Variants in FOXN3 observed in about 807,000 individuals in gnomAD.
FOXN3 encodes forkhead box protein N3.
Under a neutral mutation model 38.4 loss-of-function variants are expected in FOXN3, and 7 were observed. The observed-to-expected ratio is 0.18, with a 90% CI of 0.10 to 0.34. FOXN3 has a LOEUF of 0.34. Among genes scored for constraint, FOXN3 ranks in the 10% least tolerant of loss-of-function variants. The probability of loss-of-function intolerance (pLI) is 1.00; values close to 1 mark genes in which losing one functional copy is unlikely to be tolerated. For synonymous variants in FOXN3, 230 were observed against 242.2 expected, an observed-to-expected ratio of 0.95 and a Z score of 0.47; for missense variants, 456 against 613.4, an observed-to-expected ratio of 0.74 and a Z score of 2.71.
At chr14:89,210,740 G>C (rs904710329) in intron 4 of FOXN3, among the ~76,000 whole-genome samples, 7 of 152,200 alleles carry the variant, frequency 4.6e-5, no homozygotes, top group East Asian at 1.9e-4. Context: ...TCAGCACCCA[G>C]TAATGGAAAG....
chr14:89,485,420 C>T (rs1249542356), intron 1 of FOXN3, among the ~76,000 whole-genome samples: 1 of 152,302 alleles, frequency 6.6e-6, no homozygotes, highest in South Asian at 2.1e-4. Context: ...CCTGCAGCTC[C>T]ACTTCTCAGA....
intron 4 of FOXN3, among the ~76,000 whole-genome samples, chr14:89,210,504 T>C (rs1180817666): frequency 1.3e-5 from 2 of 152,200 alleles, no homozygotes; most frequent in African/African-American, 2.4e-5. Context: ...CTAAGACACA[T>C]ACTGTTGTCA....
At chr14:89,209,697 A>G (rs1888473012) in intron 4 of FOXN3, among the ~76,000 whole-genome samples, 1 of 152,220 alleles carries the variant, frequency 6.6e-6, no homozygotes, top group African/African-American at 2.4e-5. Flanking sequence ...CCAAAACTAG[A>G]GTTTAAAGAA....
intron 4 of FOXN3, among the ~76,000 whole-genome samples, chr14:89,212,850 G>C (rs952300146): frequency 6.6e-6 from 1 of 152,132 alleles, no homozygotes; most frequent in African/African-American, 2.4e-5. Context: ...CTGGTTTAAT[G>C]AGGATCAGGT....
intron 3 of FOXN3, among the ~76,000 whole-genome samples, chr14:89,323,271 G>C (rs1229842946): frequency 7.2e-6 from 1 of 139,834 alleles, no homozygotes; most frequent in Non-Finnish European, 1.5e-5. Context: ...ATGGGCGACA[G>C]AGCGAGACTC....
intron 1 of FOXN3, among the ~76,000 whole-genome samples, chr14:89,564,517 T>G (rs1229756626): frequency 6.6e-6 from 1 of 152,154 alleles, no homozygotes; most frequent in Non-Finnish European, 1.5e-5. Flanking sequence ...GGTTCCTCAC[T>G]TGACAGGAAA....
chr14:89,284,506 C>T (rs1464288430), intron 3 of FOXN3: 1 of 455,958 alleles, frequency 2.2e-6, no homozygotes, highest in African/African-American at 2.0e-5. Context: ...CAGCACTAAA[C>T]TCTTAGTCAT....
At chr14:89,562,251 C>T (rs1895265400) in intron 1 of FOXN3, among the ~76,000 whole-genome samples, 1 of 151,970 alleles carries the variant, frequency 6.6e-6, no homozygotes, top group Admixed American at 6.6e-5. Flanking sequence ...TATTTATCTA[C>T]TTTTTTGTTA....
At chr14:89,441,478 C>A (rs574198036) in intron 1 of FOXN3, among the ~76,000 whole-genome samples, 2 of 152,198 alleles carry the variant, frequency 1.3e-5, no homozygotes, top group Non-Finnish European at 2.9e-5. Context: ...AGGGAACCAA[C>A]GGAACACATT....
intron 4 of FOXN3, among the ~76,000 whole-genome samples, chr14:89,208,877 C>T (rs1397326083): frequency 6.6e-6 from 1 of 152,192 alleles, no homozygotes; most frequent in East Asian, 1.9e-4. Flanking sequence ...CTCGACCCCT[C>T]CACCTGTCTC....
chr14:89,273,043 G>T (rs936709795), intron 4 of FOXN3, among the ~76,000 whole-genome samples: 2 of 152,120 alleles, frequency 1.3e-5, no homozygotes, highest in Non-Finnish European at 2.9e-5. Context: ...CCCAGTTTCG[G>T]ACTGAGCCGC....
intron 2 of FOXN3, chr14:89,351,103 G>A (rs932057232): frequency 7.8e-5 from 16 of 206,062 alleles, no homozygotes; most frequent in African/African-American, 1.8e-4. Flanking sequence ...GTTTTTCAGC[G>A]TCAACATTGA....
At position 89,588,822 on chromosome 14, in the gene FOXN3, G is replaced by T. The variant is rs77976143; in HGVS notation, c.-15+30206C>A. Reference sequence around the variant, plus strand: ...AACCCAAGGCGTTAGATACCCAGGGGCAAAGCCAACGCTCCTCTGAAAAAC... The same window carrying T: ...AACCCAAGGCGTTAGATACCCAGGGTCAAAGCCAACGCTCCTCTGAAAAAC... On this transcript the variant is annotated intron_variant, in intron 1 of 6. Transcript: ENST00000345097. 9.5e-4 allele frequency among the ~76,000 whole-genome samples: 144 copies of T among 152,316 alleles called. 1 individual carries two copies. Among genetic ancestry groups the T allele is most frequent in the African/African-American group, 3.3e-3 (138 of 41,566 alleles).
At chr14:89,346,268 A>G (rs570741405) in intron 3 of FOXN3, among the ~76,000 whole-genome samples, 1 of 152,164 alleles carries the variant, frequency 6.6e-6, no homozygotes, top group Non-Finnish European at 1.5e-5. Flanking sequence ...TATTACTATT[A>G]ACTAAACTGC....
At chr14:89,280,004 A>G (rs952104294) in intron 4 of FOXN3, among the ~76,000 whole-genome samples, 2 of 152,164 alleles carry the variant, frequency 1.3e-5, no homozygotes, top group Non-Finnish European at 2.9e-5. Flanking sequence ...GCTCTCAACC[A>G]ATCAATAGAC....
At chr14:89,393,858 G>C (rs989225968) in intron 2 of FOXN3, among the ~76,000 whole-genome samples, 1 of 152,218 alleles carries the variant, frequency 6.6e-6, no homozygotes, top group African/African-American at 2.4e-5. Context: ...GCAGGAAACT[G>C]GGTGGGGACA....
intron 4 of FOXN3, among the ~76,000 whole-genome samples, chr14:89,277,271 G>A (rs973685693): frequency 6.6e-6 from 1 of 152,186 alleles, no homozygotes; most frequent in East Asian, 1.9e-4. Flanking sequence ...AAGAAGGCAC[G>A]GTGGGGACAC....
At chr14:89,188,304 CACTT>C (rs1418185093) in intron 4 of FOXN3, among the ~76,000 whole-genome samples, 1 of 152,194 alleles carries the variant, frequency 6.6e-6, no homozygotes, top group Non-Finnish European at 1.5e-5. Context: ...GAAAACAACT[CACTT>C]GTCAACTCAT....
upstream of FOXN3, among the ~76,000 whole-genome samples, chr14:89,418,440 C>A (rs573691410): frequency 3.8e-4 from 43 of 114,056 alleles, no homozygotes; most frequent in Admixed American, 2.1e-3. Flanking sequence ...GAGAGTCATT[C>A]CCCCTAACAA....
Sources: gnomAD v4.1 joint callset for allele counts (sites outside exome capture counted in the v4.1 genomes callset) on GRCh38, gnomAD v4.1.1 for gene constraint, MANE v1.5 for transcripts, NCBI Gene and HGNC (gene_info 2026-07-23, HGNC 2026-07-21) for gene names.